The following PSMC6 variants were observed in gnomAD, a reference collection of about 807,000 sequenced individuals.
PSMC6 encodes the protein proteasome 26S subunit, ATPase 6.
Under a neutral mutation model 55.9 loss-of-function variants are expected in PSMC6, and 3 were observed. That is an observed-to-expected ratio of 0.05 (90% CI 0.02 to 0.14). The LOEUF is 0.14. PSMC6 is among the 10% of genes least tolerant of loss of function. The pLI is 1.00. For missense variants in PSMC6, 210 were observed against 478.7 expected (o/e 0.44, Z 5.24); for synonymous variants, 137 against 155.9 (o/e 0.88, Z 0.90).
chr14:52,708,369 C>A lies in PSMC6; in HGVS notation c.146C>A (p.Ala49Asp). Residue 49 changes from alanine (A) to aspartate (D), a missense_variant, in exon 2 of 14, where the codon GCC becomes GAC. Ala to Asp is a moderately radical substitution (Grantham distance 126). Coordinates refer to ENST00000445930, the MANE Select transcript of PSMC6 (RefSeq NM_002806.5). The stretch of plus-strand genomic sequence containing the variant: ...GAAAAGTCTGAAAATGATCTGAAGG[C>A]CCTACAGAGTGTTGGGCAGGTAGGT... ...QYEKSENDLK[A>D]LQSVGQIVGE... The A allele has an allele frequency of 1.9e-6, 3 of 1,613,486 alleles. No individual in the cohort carries two copies. Among genetic ancestry groups the A allele is most frequent in the Non-Finnish European group, 2.5e-6 (3 of 1,179,506 alleles).
chr14:52,720,755 A>G, intron 10 of PSMC6, 106 bp from the exon 11 acceptor site: 1 of 848,752 alleles, frequency 1.2e-6, no homozygotes, highest in Non-Finnish European at 1.8e-6. Flanking sequence ...GATAGAACAT[A>G]TCTATCTGTA....
At chr14:52,720,702 T>C (rs895413394) in intron 10 of PSMC6, among the ~76,000 whole-genome samples, 159 bp from the exon 11 acceptor site, 1 of 152,186 alleles carries the variant, frequency 6.6e-6, no homozygotes, top group African/African-American at 2.4e-5. Context: ...TATCCCTTTA[T>C]ATAAGAGAGA....
rs553117289 is a variant in PSMC6, at chr14:52,719,130, C to T, written c.777+92C>T. 69 of 1,066,070 alleles carry T rather than the reference C, an allele frequency of 6.5e-5. No individual in the cohort carries two copies. In the East Asian group the frequency reaches 1.7e-3, roughly 26 times the overall value. The allele number at this position is 1,066,070 out of a possible 1,614,324, so 66.0% of individuals were successfully genotyped here. A position where few individuals can be genotyped will look rare whatever the true frequency, so the allele number is the denominator to read the frequency against. On this transcript the variant is annotated intron_variant, in intron 10 of 13. Coordinates refer to ENST00000445930, the MANE Select transcript of PSMC6 (RefSeq NM_002806.5). ...TATTTGATAGTCAAAATATATAGAA[C>T]ATTTTAAATGAAATATGAAATTTGA...
chr14:52,711,002 G>C lies in PSMC6; in HGVS notation c.259-99G>C, dbSNP rs558830569. ...ATCTGATATTTGTGTTCTCTCTGGA[G>C]GGTAAAAATGAGTGTTTGGCTTCTA... On this transcript the variant is annotated intron_variant, in intron 4 of 13. Coordinates refer to ENST00000445930, the MANE Select transcript of PSMC6 (RefSeq NM_002806.5). 8.4e-5 allele frequency: 67 copies of C among 796,604 alleles called. 2 individuals carry two copies. In the East Asian group the frequency reaches 1.5e-3, roughly 18 times the overall value. 49.3% of individuals were successfully genotyped at this position (796,604 alleles called of 1,614,324 possible). A position where few individuals can be genotyped will look rare whatever the true frequency, so the allele number is the denominator to read the frequency against.
Position 52,718,290 on chromosome 14 carries a change from T to A in PSMC6, c.653T>A (p.Met218Lys). 6.2e-7 allele frequency: 1 copy of A among 1,612,742 alleles called. No individual in the cohort carries two copies. Among genetic ancestry groups the A allele is most frequent in the Non-Finnish European group, 8.5e-7 (1 of 1,178,756 alleles). The change falls in exon 9 of 14, where the codon ATG becomes AAG. Residue 218 changes from methionine (M) to lysine (K), a missense_variant. This residue lies in a region of PSMC6 where 101 missense variants were observed against 250.4 expected (regional missense o/e 0.40). Coordinates refer to ENST00000445930, the MANE Select transcript of PSMC6 (RefSeq NM_002806.5). ...IGESARLIRE[M>K]FNYARDHQPC... ...GAAAGTGCTCGTTTGATCAGAGAAATGTTTAATTATGCTAGAGATCATCAA... is the reference window on the plus strand; with the variant it reads ...GAAAGTGCTCGTTTGATCAGAGAAAAGTTTAATTATGCTAGAGATCATCAA...
At position 52,721,110 on chromosome 14, in the gene PSMC6, A is replaced by T. The variant is rs1394008432; in HGVS notation, c.899A>T (p.His300Leu). The change falls in exon 12 of 14, where the codon CAT becomes CTT. Residue 300 changes from histidine (H) to leucine (L), a missense_variant and splice_region_variant. Physicochemically the swap from His to Leu is moderately conservative, Grantham distance 99. Around this residue, in one of 4 missense-constraint regions of PSMC6, gnomAD observed 79 missense variants for 158.7 expected, o/e 0.50. Transcript: ENST00000445930. ...LRPGRLDRKI[H>L]IDLPNEQARL... ...CTATAAAATAATTTTTTATTTTCAG[A>T]TATTGATTTGCCAAATGAACAAGCA... 6.3e-7 allele frequency: 1 copy of T among 1,590,722 alleles called. No homozygotes were observed. The highest frequency in any genetic ancestry group is 1.4e-5 in the African/African-American group (1 of 73,452).
intron 7 of PSMC6, among the ~76,000 whole-genome samples, chr14:52,715,269 A>G (rs2041818695): frequency 6.6e-6 from 1 of 152,234 alleles, no homozygotes; most frequent in Non-Finnish European, 1.5e-5. Context: ...GTACTGCTGC[A>G]TATTGAATAA....
intron 6 of PSMC6, 78 bp downstream of exon 6, chr14:52,711,602 G>A: frequency 2.2e-6 from 2 of 926,498 alleles, no homozygotes; most frequent in East Asian, 2.7e-5. Flanking sequence ...GGAGAAACAG[G>A]ATGAAAAAGT....
At chr14:52,707,798 A>T (rs1180883064) in intron 1 of PSMC6, among the ~76,000 whole-genome samples, 1 of 152,210 alleles carries the variant, frequency 6.6e-6, no homozygotes, top group African/African-American at 2.4e-5. Context: ...TATCAGGCAT[A>T]CAAATTTCCC....
chr14:52,719,275 G>T (rs949648662), intron 10 of PSMC6, among the ~76,000 whole-genome samples: 1 of 152,056 alleles, frequency 6.6e-6, no homozygotes, highest in Non-Finnish European at 1.5e-5. Flanking sequence ...GTGTTTTTTT[G>T]AGTAGATCAG....
Position 52,717,929 on chromosome 14 carries a change from G to A in PSMC6, c.530-152G>A, listed in dbSNP as rs559414697. 2.0e-4 allele frequency: 131 copies of A among 661,782 alleles called. No homozygotes were observed. In the East Asian group the frequency reaches 3.3e-3, roughly 17 times the overall value. 41.0% of individuals were successfully genotyped at this position (661,782 alleles called of 1,614,324 possible). A position where few individuals can be genotyped will look rare whatever the true frequency, so the allele number is the denominator to read the frequency against. The stretch of plus-strand genomic sequence containing the variant: ...TGTCATCCCAGCTACTTGGGAGGCT[G>A]AGGTGGGAAAATCGCTTAGGTCTGG... On this transcript the variant is annotated intron_variant, in intron 7 of 13. Coordinates refer to ENST00000445930, the MANE Select transcript of PSMC6 (RefSeq NM_002806.5).
At chr14:52,712,671 G>T (rs2041786519) in intron 6 of PSMC6, among the ~76,000 whole-genome samples, 1 of 151,844 alleles carries the variant, frequency 6.6e-6, no homozygotes, top group South Asian at 2.1e-4. Flanking sequence ...TGCCCAGGCT[G>T]GAATGCAGTG....
At chr14:52,711,001 A>T in intron 4 of PSMC6, 100 bp from the exon 5 acceptor site, 1 of 817,746 alleles carries the variant, frequency 1.2e-6, no homozygotes, top group Non-Finnish European at 2.1e-6. Context: ...TTCTCTCTGG[A>T]GGGTAAAAAT....
rs2058162764 is a variant in PSMC6 at position 52,720,742 on chromosome 14, GAAGATAGAACATATCTAT to G, written c.778-118_778-101del. On this transcript the variant is annotated intron_variant, in intron 10 of 13. Transcript: ENST00000445930. ...AAGAATTCTATCAAATGACCATTCTGAAGATAGAACATATCTATCTGTAGACAATACATTTCATGGCAT... is the reference window on the plus strand; with the variant it reads ...AAGAATTCTATCAAATGACCATTCTGCTGTAGACAATACATTTCATGGCAT... 51 of 756,910 alleles carry G rather than the reference GAAGATAGAACATATCTAT, an allele frequency of 6.7e-5. No individual in the cohort carries two copies. In the South Asian group the frequency reaches 1.3e-3, roughly 19 times the overall value. The allele number at this position is 756,910 out of a possible 1,614,324, so 46.9% of individuals were successfully genotyped here. A position where few individuals can be genotyped will look rare whatever the true frequency, so the allele number is the denominator to read the frequency against.
intron 12 of PSMC6, chr14:52,722,330 G>T (rs1880230336): frequency 6.6e-6 from 1 of 151,702 alleles, no homozygotes; most frequent in South Asian, 2.1e-4. Context: ...ATGAGGAGTT[G>T]GCAGAGTTTT....
At chr14:52,725,804 C>T (rs1308563607) in intron 13 of PSMC6, among the ~76,000 whole-genome samples, 1 of 152,218 alleles carries the variant, frequency 6.6e-6, no homozygotes, top group Non-Finnish European at 1.5e-5. Context: ...CACAAGCTAC[C>T]AGGCCTGGCC....
intron 6 of PSMC6, among the ~76,000 whole-genome samples, chr14:52,712,288 G>A (rs1566657267): frequency 6.6e-6 from 1 of 151,552 alleles, no homozygotes; most frequent in Non-Finnish European, 1.5e-5. Context: ...ACTAGATTGG[G>A]GGTAGGCACA....
chr14:52,719,135 T>A, intron 10 of PSMC6, 97 bp downstream of exon 10: 1 of 1,045,308 alleles, frequency 9.6e-7, no homozygotes, highest in East Asian at 2.5e-5. Context: ...TAGAACATTT[T>A]AAATGAAATA....
In PSMC6 at chr14:52,708,292, A is replaced by T. The variant is rs1184206072; in HGVS notation, c.86-17A>T. On this transcript the variant is annotated splice_polypyrimidine_tract_variant and intron_variant, in intron 1 of 13. Coordinates refer to ENST00000445930, the MANE Select transcript of PSMC6 (RefSeq NM_002806.5). The stretch of plus-strand genomic sequence containing the variant: ...GATTACTGTTCAATTAAAAATGTTC[A>T]AATTGTATTATTTCAGTAAGGGAAC... 6.3e-7 allele frequency: 1 copy of T among 1,584,986 alleles called. No individual in the cohort carries two copies. Among genetic ancestry groups the T allele is most frequent in the Non-Finnish European group, 8.7e-7 (1 of 1,153,960 alleles).
Sources: gnomAD v4.1 joint callset for allele counts (sites outside exome capture counted in the v4.1 genomes callset) on GRCh38, gnomAD v4.1.1 for gene constraint, gnomAD v4.1.1 regional missense constraint, MANE v1.5 for transcripts, NCBI Gene and HGNC (gene_info 2026-07-23, HGNC 2026-07-21) for gene names.